NMD3: variants seen among roughly 807,000 people sequenced by gnomAD.
NMD3 encodes the protein 60S ribosomal export protein NMD3.
A neutral mutation model predicts 73.1 loss-of-function variants in NMD3; 47 were observed. The observed-to-expected ratio is 0.64, with a 90% confidence interval of 0.51 to 0.82. The LOEUF is 0.82. NMD3 is among the 40% of genes least tolerant of loss of function. NMD3 has a pLI of 0.00. For missense variants in NMD3, 554 were observed against 612.5 expected (o/e 0.90, Z 1.01); for synonymous variants, 210 against 194.5 (o/e 1.08, Z -0.66).
At chr3:161,222,313 A>G (rs1306304254) in intron 2 of NMD3, among the ~76,000 whole-genome samples, 1 of 152,080 alleles carries the variant, frequency 6.6e-6, no homozygotes, top group African/African-American at 2.4e-5. Context: ...ATATGTAGCC[A>G]TTAGCTACGT....
chr3:161,242,917 C>T (rs1240883265), intron 11 of NMD3, among the ~76,000 whole-genome samples: 1 of 151,784 alleles, frequency 6.6e-6, no homozygotes, highest in East Asian at 1.9e-4. Context: ...TTAAAAAAGG[C>T]ATTTCTTTGC....
At chr3:161,239,105 C>T (rs1736875798) in intron 9 of NMD3, among the ~76,000 whole-genome samples, 1 of 152,042 alleles carries the variant, frequency 6.6e-6, no homozygotes, top group African/African-American at 2.4e-5. Context: ...AATTTGTGAT[C>T]CTATGAGCCT....
At chr3:161,246,311 A>G (rs1468265882) in intron 11 of NMD3, 25 bp from the exon 12 acceptor site, 2 of 802,108 alleles carry the variant, frequency 2.5e-6, no homozygotes. Flanking sequence ...AGATTATTGA[A>G]GAGTACATTT....
chr3:161,248,967 T>C (rs770950745), intron 13 of NMD3, among the ~76,000 whole-genome samples: 8 of 152,224 alleles, frequency 5.3e-5, no homozygotes, highest in Non-Finnish European at 7.3e-5. Context: ...GAGGAGATCA[T>C]GGCAATCTTA....
intron 10 of NMD3, 87 bp from the exon 11 acceptor site, chr3:161,242,421 T>C: frequency 8.0e-7 from 1 of 1,242,278 alleles, no homozygotes; most frequent in Non-Finnish European, 1.1e-6. Flanking sequence ...TCCCAGTTGG[T>C]ATCTACCAGT....
intron 3 of NMD3, among the ~76,000 whole-genome samples, chr3:161,226,388 C>T (rs1056436289): frequency 6.7e-5 from 9 of 134,916 alleles, no homozygotes; most frequent in Admixed American, 4.5e-4. Context: ...GCAGAGGTTG[C>T]AGTGAGCCGA....
At chr3:161,238,016 TG>T (rs1736829845) in intron 7 of NMD3, 96 bp from the exon 8 acceptor site, 1 of 791,038 alleles carries the variant, frequency 1.3e-6, no homozygotes, top group African/African-American at 1.8e-5. Context: ...AATTTGATTT[TG>T]TTTAAAACAG....
chr3:161,224,902 T>C (rs760086817), intron 2 of NMD3, 28 bp from the exon 3 acceptor site: 2 of 1,552,852 alleles, frequency 1.3e-6, no homozygotes, highest in Non-Finnish European at 1.7e-6. Flanking sequence ...AAATCTAATG[T>C]GAAAAATTTA....
intron 4 of NMD3, among the ~76,000 whole-genome samples, chr3:161,230,847 C>T (rs538572294): frequency 1.3e-5 from 2 of 152,122 alleles, no homozygotes; most frequent in East Asian, 1.9e-4. Context: ...AAAACAGAAG[C>T]GTGGGCAGTA....
At chr3:161,226,263 G>A (rs1366153537) in intron 3 of NMD3, among the ~76,000 whole-genome samples, 2 of 152,024 alleles carry the variant, frequency 1.3e-5, no homozygotes, top group Non-Finnish European at 2.9e-5. Flanking sequence ...AGACCAGACT[G>A]GCCAACATGG....
chr3:161,225,025 C>T lies in NMD3; in HGVS notation c.140C>T (p.Pro47Leu), dbSNP rs761413485. The T allele has an allele frequency of 6.2e-6, 10 of 1,613,430 alleles. No homozygotes were observed. Among genetic ancestry groups the T allele is most frequent in the Middle Eastern group, 3.3e-4 (2 of 6,060 alleles). ...RSKVDISQGI[P>L]KQVSISFCKQ... ...AAAGTGGACATCAGCCAAGGTATTCCGAAACAAGTCTCGATTTCGTTCTGC... is the reference window on the plus strand; with the variant it reads ...AAAGTGGACATCAGCCAAGGTATTCTGAAACAAGTCTCGATTTCGTTCTGC... Residue 47 changes from proline to leucine, a missense_variant, in exon 3 of 16, where the codon CCG becomes CTG. Pro to Leu is a moderately conservative substitution (Grantham distance 98). Transcript: ENST00000351193.
In NMD3 at chr3:161,227,437, A is replaced by ATTTT. The variant is rs55825529; in HGVS notation, c.276+114_276+117dup. 5.0e-4 allele frequency: 181 copies of ATTTT among 360,568 alleles called. 1 individual carries two copies. The highest frequency in any genetic ancestry group is 6.8e-4 in the East Asian group (10 of 14,702). The allele number at this position is 360,568 out of a possible 1,614,324, so 22.3% of individuals were successfully genotyped here. A position where few individuals can be genotyped will look rare whatever the true frequency, so the allele number is the denominator to read the frequency against. On this transcript the variant is annotated intron_variant, in intron 4 of 15. Transcript: ENST00000351193. ...CTTGTGAGTAGGTTTTTCAAAAGGA[A>ATTTT]TTTTTTTTTTTTTTTTTTTTTTTGA...
intron 13 of NMD3, among the ~76,000 whole-genome samples, chr3:161,248,026 TCCTC>T (rs1278904655): frequency 6.6e-6 from 1 of 151,762 alleles, no homozygotes; most frequent in Non-Finnish European, 1.5e-5. Context: ...CTTCAAGTGA[TCCTC>T]CCACCTCAGC....
intron 7 of NMD3, 77 bp downstream of exon 7, chr3:161,235,289 G>A: frequency 3.4e-6 from 2 of 584,542 alleles, no homozygotes; most frequent in Non-Finnish European, 6.0e-6. Flanking sequence ...TATATTTACT[G>A]ATAATATCTG....
At position 161,250,296 on chromosome 3, in the gene NMD3, G is replaced by A. The variant is rs111422658; in HGVS notation, c.1351G>A (p.Ala451Thr). The change falls in exon 15 of 16, where the codon GCA becomes ACA. Residue 451 changes from alanine (A) to threonine (T), a missense_variant. Coordinates refer to ENST00000351193, the MANE Select transcript of NMD3 (RefSeq NM_015938.5). ...DFLEDLEEDE[A>T]IRKNVNIYRD... ...TCTTGAAGATCTTGAAGAAGATGAG[G>A]CAATTCGAAAAAATGTCAACATTTA... 727 of 1,603,530 alleles carry A rather than the reference G, an allele frequency of 4.5e-4. 4 individuals are homozygous for A. The African/African-American group carries it at 8.2e-3, about 18-fold the overall frequency.
At position 161,225,130 on chromosome 3, in the gene NMD3, T is replaced by G. The variant is rs778875844; in HGVS notation, c.179+66T>G. Reference sequence around the variant, plus strand: ...TTACATTTAGAGAACCACCGAGATATGCTGAGATTACACGAAGGTATATGG... The same window carrying G: ...TTACATTTAGAGAACCACCGAGATAGGCTGAGATTACACGAAGGTATATGG... On this transcript the variant is annotated intron_variant, in intron 3 of 15. Coordinates refer to ENST00000351193, the MANE Select transcript of NMD3 (RefSeq NM_015938.5). The G allele has an allele frequency of 2.0e-6, 3 of 1,512,968 alleles. No homozygotes were observed. The African/African-American group carries it at 4.2e-5, about 21-fold the overall frequency. 93.7% of individuals were successfully genotyped at this position (1,512,968 alleles called of 1,614,324 possible). A position where few individuals can be genotyped will look rare whatever the true frequency, so the allele number is the denominator to read the frequency against.
At chr3:161,236,200 A>G (rs1736751496) in intron 7 of NMD3, among the ~76,000 whole-genome samples, 1 of 151,930 alleles carries the variant, frequency 6.6e-6, no homozygotes, top group Non-Finnish European at 1.5e-5. Flanking sequence ...CAGCTGTTTC[A>G]TTCTTTTGGG....
At position 161,251,249 on chromosome 3, in the gene NMD3, G is replaced by A. The variant is rs147779710; in HGVS notation, c.*339G>A. On this transcript the variant is annotated 3_prime_UTR_variant, in exon 16 of 16. Coordinates refer to ENST00000351193, the MANE Select transcript of NMD3 (RefSeq NM_015938.5). ...GCTCAAAAATTGTGATTCCTTGAAC[G>A]TTCACTAAATCTTCAAGCAAAAACA... 4.1e-3 allele frequency: 653 copies of A among 160,880 alleles called. 5 individuals are homozygous for A. Among genetic ancestry groups the A allele is most frequent in the African/African-American group, 0.015 (629 of 41,932 alleles). The allele number at this position is 160,880 out of a possible 1,614,324, so 10.0% of individuals were successfully genotyped here.
intron 3 of NMD3, among the ~76,000 whole-genome samples, chr3:161,225,806 T>G (rs1364489989): frequency 1.3e-5 from 2 of 152,032 alleles, no homozygotes; most frequent in African/African-American, 4.8e-5. Flanking sequence ...CCCAAAATAT[T>G]TACATACATG....
Sources: gnomAD v4.1 joint callset for allele counts (sites outside exome capture counted in the v4.1 genomes callset) on GRCh38, gnomAD v4.1.1 for gene constraint, MANE v1.5 for transcripts, NCBI Gene and HGNC (gene_info 2026-07-23, HGNC 2026-07-21) for gene names.